Variants in CLTRN observed in about 807,000 individuals in gnomAD.
CLTRN encodes the protein collectrin, amino acid transport regulator.
A neutral mutation model predicts 14.5 loss-of-function variants in CLTRN; 12 were observed. That is an observed-to-expected ratio of 0.83 (90% CI 0.53 to 1.34). CLTRN has a LOEUF of 1.34. Ranked by LOEUF, CLTRN falls within the 40% of genes most tolerant of loss-of-function variation. CLTRN has a pLI of 0.00. For missense variants in CLTRN, 154 were observed against 165.1 expected, an observed-to-expected ratio of 0.93 and a Z score of 0.37; for synonymous variants, 58 against 56.5, an observed-to-expected ratio of 1.03 and a Z score of -0.12.
intron 1 of CLTRN, among the ~76,000 whole-genome samples, chrX:15,671,842 G>GCA (rs1436446255): frequency 3.4e-4 from 20 of 59,384 alleles, no homozygotes; most frequent in Non-Finnish European, 2.2e-4. Context: ...AATTTTATGC[G>GCA]CGCACACACA....
At chrX:15,650,110 C>A (rs1171424166) in intron 3 of CLTRN, among the ~76,000 whole-genome samples, 2 of 99,191 alleles carry the variant, frequency 2.0e-5, no homozygotes, top group Admixed American at 2.3e-4. Context: ...AGTAGCACAT[C>A]CAATTGTGAA....
At chrX:15,664,901 G>T (rs1025250864), upstream of CLTRN, 7 of 539,591 alleles carry the variant, frequency 1.3e-5, no homozygotes, top group African/African-American at 1.4e-4. Context: ...CCACCAAAAA[G>T]GTTTAATGAT....
intron 5 of CLTRN, among the ~76,000 whole-genome samples, chrX:15,630,129 A>G (rs986532764): frequency 9.0e-6 from 1 of 111,636 alleles, no homozygotes. Context: ...ACAAATGATG[A>G]AAGGTGGATG....
intron 1 of CLTRN, among the ~76,000 whole-genome samples, chrX:15,672,324 C>T (rs1362303523): frequency 9.0e-6 from 1 of 111,683 alleles, no homozygotes; most frequent in African/African-American, 3.3e-5. Flanking sequence ...CACTGTTGCT[C>T]AGGTGTAAGA....
rs192922854 is a variant in CLTRN, at chrX:15,651,875, G to A, written c.204-6846C>T. On this transcript the variant is annotated intron_variant, in intron 3 of 5. Coordinates refer to ENST00000380342, the MANE Select transcript of CLTRN (RefSeq NM_020665.6). The stretch of plus-strand genomic sequence containing the variant: ...GCTGTAATAACAGAAAAGAGAGGCA[G>A]GGAGGGAAGGAGATTACTTTCCCGA... Among the ~76,000 whole-genome samples, 7 of 111,887 alleles carry A rather than the reference G, an allele frequency of 6.3e-5. No individual in the cohort carries two copies. The Admixed American group carries it at 6.6e-4, about 11-fold the overall frequency.
intron 3 of CLTRN, among the ~76,000 whole-genome samples, chrX:15,652,362 TTTG>T (rs1226032548): frequency 9.0e-6 from 1 of 111,677 alleles, no homozygotes; most frequent in Non-Finnish European, 1.9e-5. Context: ...GGAATTATTT[TTTG>T]TTGTTGTTAG....
intron 1 of CLTRN, among the ~76,000 whole-genome samples, chrX:15,670,618 T>G (rs915920298): frequency 9.0e-6 from 1 of 111,437 alleles, no homozygotes; most frequent in Non-Finnish European, 1.9e-5. Flanking sequence ...GTCTATTGTG[T>G]GTAAGTTCTA....
chrX:15,636,487 T>C (rs1928821601), intron 5 of CLTRN, among the ~76,000 whole-genome samples: 2 of 112,420 alleles, frequency 1.8e-5, no homozygotes, highest in African/African-American at 6.4e-5. Context: ...TGTTAATTAT[T>C]TGATTTAGCC....
At chrX:15,656,179 C>G (rs925269568) in intron 3 of CLTRN, among the ~76,000 whole-genome samples, 12 of 111,992 alleles carry the variant, frequency 1.1e-4, no homozygotes, top group Admixed American at 1.9e-4. Flanking sequence ...AGCTCTCCAA[C>G]AAGACATCAC....
rs1169285400 is a variant in CLTRN at position 15,639,447 on chromosome X, CAA to C, written c.512+113_512+114del. The stretch of plus-strand genomic sequence containing the variant: ...TATTTTTGAAAATCACCAATTTTTT[CAA>C]AGTTTCAAATTTAAGGCATTATCTT... On this transcript the variant is annotated intron_variant, in intron 5 of 5. Transcript: ENST00000380342. The C allele has an allele frequency of 6.0e-6, 4 of 666,141 alleles. No individual in the cohort carries two copies. The African/African-American group carries it at 9.1e-5, about 15-fold the overall frequency. 54.9% of individuals were successfully genotyped at this position (666,141 alleles called of 1,213,427 possible).
chrX:15,635,816 C>A (rs1234586394), intron 5 of CLTRN, among the ~76,000 whole-genome samples: 1 of 111,386 alleles, frequency 9.0e-6, no homozygotes, highest in African/African-American at 3.3e-5. Flanking sequence ...GAGTTAATAT[C>A]CAAAAATATA....
chrX:15,667,332 T>C (rs375500702), upstream of CLTRN, among the ~76,000 whole-genome samples: 7 of 112,663 alleles, frequency 6.2e-5, no homozygotes, highest in African/African-American at 2.3e-4. Flanking sequence ...GTGGCTTTCT[T>C]TGGCTTTTAC....
chrX:15,663,504 G>C (rs1392463234), intron 2 of CLTRN, among the ~76,000 whole-genome samples: 1 of 112,579 alleles, frequency 8.9e-6, no homozygotes, highest in African/African-American at 3.2e-5. Flanking sequence ...TAAATGATTT[G>C]ATAGGAGTAA....
chrX:15,661,452 T>C (rs1304469101), intron 2 of CLTRN, among the ~76,000 whole-genome samples: 1 of 112,177 alleles, frequency 8.9e-6, no homozygotes, highest in Non-Finnish European at 1.9e-5. Context: ...TTGGGTTGGG[T>C]ATCCTGCCAG....
chrX:15,666,491 T>C (rs1210809898), upstream of CLTRN, among the ~76,000 whole-genome samples: 2 of 112,062 alleles, frequency 1.8e-5, no homozygotes, highest in Admixed American at 9.4e-5. Context: ...AATAGAAACA[T>C]TGGATTTTCA....
chrX:15,640,098 C>T (rs907387278), intron 4 of CLTRN, among the ~76,000 whole-genome samples: 1 of 108,916 alleles, frequency 9.2e-6, no homozygotes, highest in Non-Finnish European at 1.9e-5. Flanking sequence ...AGGGCTCTAA[C>T]CCTGGACCAA....
chrX:15,655,643 C>G (rs1929338916), intron 3 of CLTRN, among the ~76,000 whole-genome samples: 1 of 112,009 alleles, frequency 8.9e-6, no homozygotes, highest in Admixed American at 9.4e-5. Flanking sequence ...CACAGGTACT[C>G]AAGCCAGCCT....
At chrX:15,673,710 G>C (rs773109348) in intron 1 of CLTRN, among the ~76,000 whole-genome samples, 4 of 112,312 alleles carry the variant, frequency 3.6e-5, no homozygotes, top group Non-Finnish European at 7.5e-5. Context: ...ATGGAAGGTG[G>C]GAAGAGAAAG....
intron 3 of CLTRN, among the ~76,000 whole-genome samples, chrX:15,655,618 C>G (rs868559688): frequency 1.1e-4 from 12 of 111,865 alleles, no homozygotes; most frequent in Middle Eastern, 9.2e-3. Flanking sequence ...AAAAACTGCT[C>G]TCTCTCTCCC....
Sources: allele counts gnomAD v4.1 joint callset (sites outside exome capture counted in the v4.1 genomes callset), GRCh38; gene constraint gnomAD v4.1.1; transcripts MANE v1.5; gene names NCBI Gene and HGNC (gene_info 2026-07-23, HGNC 2026-07-21).